C2orf80: variants seen among roughly 807,000 people sequenced by gnomAD.
C2orf80 encodes the protein uncharacterized protein C2orf80.
C2orf80 carries 28 observed loss-of-function variants against 30.2 expected under a neutral mutation model. The ratio of observed to expected loss-of-function variants is 0.93; its 90% CI spans 0.69 to 1.27. C2orf80 has a LOEUF of 1.27. C2orf80 is among the 50% of genes most tolerant of loss of function. The pLI, the probability that C2orf80 is intolerant of heterozygous loss-of-function variation, is 0.00. For missense variants in C2orf80, 220 were observed against 231.0 expected (o/e 0.95, Z 0.31); for synonymous variants, 80 against 76.4 (o/e 1.05, Z -0.24).
intron 3 of C2orf80, among the ~76,000 whole-genome samples, chr2:208,184,170 G>A (rs914501130): frequency 2.0e-5 from 3 of 148,728 alleles, no homozygotes; most frequent in Non-Finnish European, 4.5e-5. Flanking sequence ...TTCCTAGGCC[G>A]CGGGGGCGCC....
chr2:208,186,794 C>A, intron 2 of C2orf80, 152 bp downstream of exon 2: 1 of 700,540 alleles, frequency 1.4e-6, no homozygotes, highest in East Asian at 2.7e-5. Context: ...TGGCAGGAAA[C>A]CGAGAGAGGC....
At chr2:208,167,767 G>C (rs1574352770) in intron 8 of C2orf80, among the ~76,000 whole-genome samples, 1 of 151,866 alleles carries the variant, frequency 6.6e-6, no homozygotes, top group East Asian at 2.0e-4. Flanking sequence ...AGTAGAGATG[G>C]GGTTTGCCAT....
chr2:208,181,922 A>G (rs1467656643), intron 4 of C2orf80, among the ~76,000 whole-genome samples: 1 of 152,228 alleles, frequency 6.6e-6, no homozygotes, highest in Non-Finnish European at 1.5e-5. Flanking sequence ...TGAGTTTTGA[A>G]TTAAACCATG....
In C2orf80 at chr2:208,171,897, A is replaced by AT. The variant is rs572678310; in HGVS notation, c.454+90dup. ...AACCAGACATAGAAATCTAATTCCC[A>AT]TTACAATTTTGACCTTACCTGGTGA... On this transcript the variant is annotated intron_variant, in intron 7 of 8. Transcript: ENST00000341287. The AT allele has an allele frequency of 1.2e-5, 13 of 1,055,624 alleles. No individual in the cohort carries two copies. The East Asian group carries it at 3.1e-4, about 25-fold the overall frequency. 65.4% of individuals were successfully genotyped at this position (1,055,624 alleles called of 1,614,324 possible).
At chr2:208,175,968 C>T (rs934757068) in intron 6 of C2orf80, among the ~76,000 whole-genome samples, 1 of 152,132 alleles carries the variant, frequency 6.6e-6, no homozygotes, top group African/African-American at 2.4e-5. Flanking sequence ...TTGTGAGGCT[C>T]ACGGGGCAGA....
chr2:208,181,399 T>C (rs1348713117), intron 4 of C2orf80, 94 bp from the exon 5 acceptor site: 1 of 771,866 alleles, frequency 1.3e-6, no homozygotes, highest in African/African-American at 1.7e-5. Flanking sequence ...TAATCTGCAA[T>C]GGCTGTGTGC....
Position 208,190,014 on chromosome 2 carries a change from TC to T in C2orf80, c.-138del, listed in dbSNP as rs750977312. 6.1e-5 allele frequency: 43 copies of T among 702,836 alleles called. No individual in the cohort carries two copies. The highest frequency in any genetic ancestry group is 9.9e-5 in the Non-Finnish European group (38 of 384,982). The allele number at this position is 702,836 out of a possible 1,614,324, so 43.5% of individuals were successfully genotyped here. A position where few individuals can be genotyped will look rare whatever the true frequency, so the allele number is the denominator to read the frequency against. ...CTGCTTCTGGAGGCATGCTGAAGCA[TC>T]CGCGCATCTCAGACTGGTGCTCACA... On this transcript the variant is annotated 5_prime_UTR_variant, in exon 1 of 9. An upstream open reading frame in the 5' UTR gains an earlier in-frame stop. Coordinates refer to ENST00000341287, the MANE Select transcript of C2orf80 (RefSeq NM_001099334.3).
intron 6 of C2orf80, among the ~76,000 whole-genome samples, chr2:208,177,960 G>A (rs976610342): frequency 6.6e-6 from 1 of 151,794 alleles, no homozygotes; most frequent in Admixed American, 6.6e-5. Context: ...GAGATTACAG[G>A]CATGCACCAC....
chr2:208,169,217 C>T (rs564874246), intron 8 of C2orf80, among the ~76,000 whole-genome samples: 1 of 95,910 alleles, frequency 1.0e-5, no homozygotes, highest in South Asian at 3.8e-4. Context: ...TCTATAAACC[C>T]CTGTTTCAGA....
At chr2:208,176,905 C>A (rs1029264978) in intron 6 of C2orf80, among the ~76,000 whole-genome samples, 11 of 8,880 alleles carry the variant, frequency 1.2e-3, no homozygotes, top group African/African-American at 5.5e-3. Flanking sequence ...ATATACATAT[C>A]TGTGTATACA....
chr2:208,177,941 C>G (rs1156821834), intron 6 of C2orf80, among the ~76,000 whole-genome samples: 4 of 151,820 alleles, frequency 2.6e-5, no homozygotes, highest in Non-Finnish European at 4.4e-5. Flanking sequence ...CTCAGCCTCC[C>G]AAGTAGCTGA....
At chr2:208,183,117 T>C in intron 3 of C2orf80, 70 bp from the exon 4 acceptor site, 2 of 1,220,560 alleles carry the variant, frequency 1.6e-6, no homozygotes, top group Non-Finnish European at 2.4e-6. Context: ...CTGGACCCAA[T>C]GACAATGGGA....
intron 2 of C2orf80, among the ~76,000 whole-genome samples, chr2:208,185,650 T>A (rs1696696424): frequency 6.6e-6 from 1 of 151,808 alleles, no homozygotes; most frequent in African/African-American, 2.4e-5. Context: ...AGAGAAAAAA[T>A]AGGTGCAGGA....
intron 6 of C2orf80, among the ~76,000 whole-genome samples, chr2:208,177,464 C>G (rs928343442): frequency 6.6e-6 from 1 of 152,006 alleles, no homozygotes; most frequent in Non-Finnish European, 1.5e-5. Flanking sequence ...TCACTTGAAC[C>G]CGGGAGGCGT....
intron 8 of C2orf80, among the ~76,000 whole-genome samples, chr2:208,166,775 C>T (rs1347429464): frequency 1.3e-5 from 2 of 152,130 alleles, no homozygotes; most frequent in African/African-American, 4.8e-5. Context: ...CTGCCTCAGC[C>T]TCCAAGTAGC....
intron 6 of C2orf80, among the ~76,000 whole-genome samples, chr2:208,176,916 T>TCTGTATACATATGTATACAG (rs1559340220): frequency 1.2e-5 from 1 of 85,556 alleles, no homozygotes; most frequent in African/African-American, 4.4e-5. Flanking sequence ...TGTGTATACA[T>TCTGTATACATATGTATACAG]ATCTGTATAC....
At chr2:208,186,518 GA>G (rs1696722411) in intron 2 of C2orf80, among the ~76,000 whole-genome samples, 1 of 152,202 alleles carries the variant, frequency 6.6e-6, no homozygotes, top group African/African-American at 2.4e-5. Flanking sequence ...AAAAGGAGAT[GA>G]ATTTCTTAGT....
chr2:208,176,483 T>G (rs1696299404), intron 6 of C2orf80, among the ~76,000 whole-genome samples: 1 of 152,212 alleles, frequency 6.6e-6, no homozygotes, highest in African/African-American at 2.4e-5. Context: ...GCCGACATTT[T>G]TGTCACAACT....
At chr2:208,171,312 T>TTTTATTTA (rs1434345957) in intron 7 of C2orf80, among the ~76,000 whole-genome samples, 1 of 151,686 alleles carries the variant, frequency 6.6e-6, no homozygotes, top group Non-Finnish European at 1.5e-5. Flanking sequence ...TGGCCAGCTA[T>TTTTATTTA]TTTATTTATT....
Sources: allele counts gnomAD v4.1 joint callset (sites outside exome capture counted in the v4.1 genomes callset), GRCh38; gene constraint gnomAD v4.1.1; transcripts MANE v1.5; gene names NCBI Gene and HGNC (gene_info 2026-07-23, HGNC 2026-07-21).